Variants in EVC2 observed in about 807,000 individuals in gnomAD.
The protein encoded by EVC2 is limbin.
A neutral mutation model predicts 149.3 loss-of-function variants in EVC2; 148 were observed. The observed-to-expected ratio is 0.99, with a 90% CI of 0.87 to 1.14. EVC2 has a LOEUF of 1.14. Among genes scored for constraint, EVC2 ranks in the 50% most tolerant of loss-of-function variants. EVC2 has a pLI of 0.00. For missense variants in EVC2, 1,854 were observed against 1,627.3 expected (o/e 1.14, Z -2.40); for synonymous variants, 776 against 649.9 (o/e 1.19, Z -2.95).
chr4:5,705,096 TG>T (rs1471284467), intron 1 of EVC2, among the ~76,000 whole-genome samples: 1 of 152,230 alleles, frequency 6.6e-6, no homozygotes, highest in Non-Finnish European at 1.5e-5. Flanking sequence ...CATATCTGGC[TG>T]ATTTTTTGTT....
chr4:5,681,009 G>A (rs557895278), intron 7 of EVC2, among the ~76,000 whole-genome samples: 24 of 152,312 alleles, frequency 1.6e-4, no homozygotes, highest in Non-Finnish European at 2.5e-4. Context: ...TAGCACAGAC[G>A]GGCTGTGGAG....
chr4:5,614,491 G>C lies in EVC2; in HGVS notation c.2829+931C>G, dbSNP rs1266409564. Reference sequence around the variant, plus strand: ...GTTGGAAGTGGGGTGGAATGAGTGGGAGAATCTACGGTGTTCGGGTAAGGC... The same window carrying C: ...GTTGGAAGTGGGGTGGAATGAGTGGCAGAATCTACGGTGTTCGGGTAAGGC... On this transcript the variant is annotated intron_variant, in intron 16 of 21. Coordinates refer to ENST00000344408, the MANE Select transcript of EVC2 (RefSeq NM_147127.5). The surrounding 1 kb of genome is among the most constrained non-coding windows in gnomAD (Gnocchi z 4.7). Among the ~76,000 whole-genome samples, 1 of 152,158 alleles carries C rather than the reference G, an allele frequency of 6.6e-6. No individual in the cohort carries two copies. The highest frequency in any genetic ancestry group is 1.5e-5 in the Non-Finnish European group (1 of 68,026).
intron 7 of EVC2, among the ~76,000 whole-genome samples, chr4:5,668,547 G>GA (rs1238434116): frequency 2.6e-5 from 4 of 152,000 alleles, no homozygotes; most frequent in Non-Finnish European, 5.9e-5. Flanking sequence ...TACTAGACAA[G>GA]AAAAAAATCG....
chr4:5,688,307 G>A (rs1042595367), intron 5 of EVC2, among the ~76,000 whole-genome samples: 5 of 152,068 alleles, frequency 3.3e-5, no homozygotes, highest in African/African-American at 1.2e-4. Flanking sequence ...GCATGGAGTC[G>A]GTAAGAGTTC....
At position 5,569,513 on chromosome 4, in the gene EVC2, C is replaced by G. The variant is rs1360435557; in HGVS notation, c.3361-873G>C. On this transcript the variant is annotated intron_variant, in intron 19 of 21. Coordinates refer to ENST00000344408, the MANE Select transcript of EVC2 (RefSeq NM_147127.5). The surrounding 1 kb of genome is among the most constrained non-coding windows in gnomAD (Gnocchi z 4.8). ...TAACTTCAAAATTAAAAATTTTGGC[C>G]AGGCATGGGGGCTCACATCTGTAAT... Among the ~76,000 whole-genome samples, 2 of 152,046 alleles carry G rather than the reference C, an allele frequency of 1.3e-5. No homozygotes were observed. The highest frequency in any genetic ancestry group is 2.9e-5 in the Non-Finnish European group (2 of 68,016).
chr4:5,708,997 G>A (rs1282950979), upstream of EVC2: 1 of 153,626 alleles, frequency 6.5e-6, no homozygotes, highest in South Asian at 2.1e-4. Context: ...TCGGGGAGGA[G>A]GGGGTGGCCG....
chr4:5,597,171 T>G (rs1408005530), intron 16 of EVC2, among the ~76,000 whole-genome samples: 1 of 152,160 alleles, frequency 6.6e-6, no homozygotes, highest in East Asian at 1.9e-4. Flanking sequence ...TTTCTGAAAC[T>G]ATTCCAATCA....
intron 21 of EVC2, among the ~76,000 whole-genome samples, chr4:5,552,834 G>T (rs4645172): frequency 1.3e-5 from 2 of 151,968 alleles, no homozygotes; most frequent in African/African-American, 4.8e-5. Flanking sequence ...AAGAACACTA[G>T]ATAGCAACAG....
Position 5,637,136 on chromosome 4 carries a change from G to T in EVC2, c.1470+3378C>A, listed in dbSNP as rs1191550944. 2.0e-5 allele frequency among the ~76,000 whole-genome samples: 3 copies of T among 152,188 alleles called. No homozygotes were observed. Among genetic ancestry groups the T allele is most frequent in the African/African-American group, 7.2e-5 (3 of 41,454 alleles). On this transcript the variant is annotated intron_variant, in intron 10 of 21. Transcript: ENST00000344408. This position sits in a 1 kb window ranked among gnomAD's most constrained non-coding sequence, Gnocchi z 4.4. ...TGAGGAGGAGAGGGACTGCGTGACA[G>T]ATGGGAGTAGGGCACCGACCCAGCA...
At position 5,625,111 on chromosome 4, in the gene EVC2, A is replaced by G. The variant is rs1716007959; in HGVS notation, c.2046+638T>C. On this transcript the variant is annotated intron_variant, in intron 13 of 21. Coordinates refer to ENST00000344408, the MANE Select transcript of EVC2 (RefSeq NM_147127.5). The surrounding 1 kb of genome is among the most constrained non-coding windows in gnomAD (Gnocchi z 4.0). ...ATCTGATGTCTCTCTCACCTCCGGA[A>G]GACCCTTCAACATTCCCCACTATCC... Among the ~76,000 whole-genome samples, 1 of 152,146 alleles carries G rather than the reference A, an allele frequency of 6.6e-6. No individual in the cohort carries two copies. The highest frequency in any genetic ancestry group is 6.5e-5 in the Admixed American group (1 of 15,276).
chr4:5,576,470 G>C lies in EVC2; in HGVS notation c.3058-16C>G. On this transcript the variant is annotated splice_polypyrimidine_tract_variant and intron_variant, in intron 17 of 21. Coordinates refer to ENST00000344408, the MANE Select transcript of EVC2 (RefSeq NM_147127.5). The surrounding 1 kb of genome is among the most constrained non-coding windows in gnomAD (Gnocchi z 4.5). ...CCTGGAGCTCCTACACAAGGAAGGGGCAGAGGGTAAGCACCACTGCACAAG... is the reference window on the plus strand; with the variant it reads ...CCTGGAGCTCCTACACAAGGAAGGGCCAGAGGGTAAGCACCACTGCACAAG... The C allele has an allele frequency of 6.4e-7, 1 of 1,571,832 alleles. No homozygotes were observed. Among genetic ancestry groups the C allele is most frequent in the Non-Finnish European group, 8.6e-7 (1 of 1,160,660 alleles).
chr4:5,701,155 G>T (rs1478709856), intron 1 of EVC2, among the ~76,000 whole-genome samples: 1 of 152,188 alleles, frequency 6.6e-6, no homozygotes, highest in African/African-American at 2.4e-5. Context: ...GGCAGCAGTA[G>T]CTGAGTCCTT....
chr4:5,695,981 T>A (rs1721450426), intron 2 of EVC2, among the ~76,000 whole-genome samples: 2 of 152,148 alleles, frequency 1.3e-5, no homozygotes, highest in African/African-American at 4.8e-5. Context: ...TTCCTCAGGT[T>A]GGGATGGGAT....
chr4:5,680,895 GCC>G (rs1553849767), intron 7 of EVC2, among the ~76,000 whole-genome samples: 1 of 148,106 alleles, frequency 6.8e-6, no homozygotes, highest in African/African-American at 2.6e-5. Flanking sequence ...AGAGAGACCC[GCC>G]CCACAGACTG....
At chr4:5,580,680 C>T (rs1205588162) in intron 17 of EVC2, among the ~76,000 whole-genome samples, 1 of 152,216 alleles carries the variant, frequency 6.6e-6, no homozygotes, top group African/African-American at 2.4e-5. Flanking sequence ...CCACGCTAAT[C>T]ACCTCCAGTG....
At position 5,603,994 on chromosome 4, in the gene EVC2, G is replaced by A. The variant is rs1278459780; in HGVS notation, c.2829+11428C>T. Among the ~76,000 whole-genome samples the A allele has an allele frequency of 2.0e-5, 3 of 152,190 alleles. No individual in the cohort carries two copies. In the East Asian group the frequency reaches 5.8e-4, roughly 29 times the overall value. ...CAGGGATGGACATGGAGAGGCCTGTGCTTTAGGCTCTGTTCTACCATGTAC... is the reference window on the plus strand; with the variant it reads ...CAGGGATGGACATGGAGAGGCCTGTACTTTAGGCTCTGTTCTACCATGTAC... On this transcript the variant is annotated intron_variant, in intron 16 of 21. Coordinates refer to ENST00000344408, the MANE Select transcript of EVC2 (RefSeq NM_147127.5).
rs1374591195 is a variant in EVC2, at chr4:5,563,096, G to C, written c.3679C>G (p.Leu1227Val). 2 of 1,613,968 alleles carry C rather than the reference G, an allele frequency of 1.2e-6. No homozygotes were observed. The highest frequency in any genetic ancestry group is 2.2e-5 in the South Asian group (2 of 91,068). The change falls in exon 22 of 22, where the codon CTC (leucine) becomes GTC (valine). Residue 1227 changes from leucine to valine, a missense_variant. Coordinates refer to ENST00000344408, the MANE Select transcript of EVC2 (RefSeq NM_147127.5). Reference sequence around the variant, plus strand: ...AATATCATCCTCTCTCTGAGAGGGAGACATGTCTTCTTTAATATGCTAAAG... The same window carrying C: ...AATATCATCCTCTCTCTGAGAGGGACACATGTCTTCTTTAATATGCTAAAG... The part of the protein sequence containing the change: ...RKQSILKKTC[L>V]PLRERMIFSG...
chr4:5,547,634 C>T (rs928567578), intron 21 of EVC2, among the ~76,000 whole-genome samples: 2 of 152,198 alleles, frequency 1.3e-5, no homozygotes, highest in Non-Finnish European at 2.9e-5. Context: ...AGAGGAGCTA[C>T]CCACTCCTGG....
intron 2 of EVC2, among the ~76,000 whole-genome samples, 167 bp downstream of exon 2, chr4:5,697,426 G>A (rs1721548696): frequency 6.6e-6 from 1 of 152,194 alleles, no homozygotes; most frequent in Admixed American, 6.5e-5. Flanking sequence ...CTTTGAGGTG[G>A]AGGTACACTG....
Sources: gnomAD v4.1 joint callset for allele counts (sites outside exome capture counted in the v4.1 genomes callset) on GRCh38, gnomAD v4.1.1 for gene constraint, Gnocchi (gnomAD v3.1) non-coding constraint, MANE v1.5 for transcripts, NCBI Gene and HGNC (gene_info 2026-07-23, HGNC 2026-07-21) for gene names.